The following CSMD3 variants were observed in gnomAD, a reference collection of about 807,000 sequenced individuals.
CSMD3 encodes CUB and Sushi multiple domains 3.
A neutral mutation model predicts 435.2 loss-of-function variants in CSMD3; 177 were observed. The ratio of observed to expected loss-of-function variants is 0.41; its 90% CI spans 0.36 to 0.46. The LOEUF is 0.46. Among genes scored for constraint, CSMD3 ranks in the 20% least tolerant of loss-of-function variants. The pLI is 0.34. For synonymous variants in CSMD3, 1,656 were observed against 1,520.5 expected, an observed-to-expected ratio of 1.09 and a Z score of -2.07; for missense variants, 4,265 against 4,504.6, an observed-to-expected ratio of 0.95 and a Z score of 1.52.
intron 13 of CSMD3, among the ~76,000 whole-genome samples, chr8:112,764,922 A>C (rs944921974): frequency 4.0e-5 from 6 of 151,644 alleles, no homozygotes; most frequent in South Asian, 2.1e-4. Flanking sequence ...TTATATGTAG[A>C]GAAAAGATTA....
At chr8:112,867,581 A>T (rs1404179184) in intron 10 of CSMD3, among the ~76,000 whole-genome samples, 2 of 152,128 alleles carry the variant, frequency 1.3e-5, no homozygotes, top group African/African-American at 2.4e-5. Flanking sequence ...ATTGCTTCTA[A>T]TCTATATACC....
chr8:112,649,533 G>C (rs923251492), intron 19 of CSMD3, among the ~76,000 whole-genome samples: 5 of 152,140 alleles, frequency 3.3e-5, no homozygotes, highest in African/African-American at 9.7e-5. Flanking sequence ...TGTGCTTTTT[G>C]ACAAGCAAGC....
chr8:113,161,757 G>T (rs1181086719), intron 4 of CSMD3, among the ~76,000 whole-genome samples: 2 of 152,126 alleles, frequency 1.3e-5, no homozygotes, highest in African/African-American at 4.8e-5. Flanking sequence ...TTTTGTCTGA[G>T]TTTCCAAATT....
At chr8:112,928,348 G>A (rs933206122) in intron 9 of CSMD3, among the ~76,000 whole-genome samples, 3 of 152,098 alleles carry the variant, frequency 2.0e-5, no homozygotes, top group African/African-American at 7.2e-5. Context: ...AAACCTTCAA[G>A]AGAAAGCATA....
Position 112,544,048 on chromosome 8 carries a change from G to T in CSMD3, c.4564+6623C>A, listed in dbSNP as rs199758445. On this transcript the variant is annotated intron_variant, in intron 27 of 70. Coordinates refer to ENST00000297405, the MANE Select transcript of CSMD3 (RefSeq NM_198123.2). ...ATTAATAGAATCAGAGCCTGAAATG[G>T]TTTTTTCCAGGGGCTTAGGGGAGAT... is the stretch of plus-strand genomic sequence containing the variant. Among the ~76,000 whole-genome samples, 23 of 152,146 alleles carry T rather than the reference G, an allele frequency of 1.5e-4. No individual in the cohort carries two copies. In the East Asian group the frequency reaches 4.1e-3, roughly 27 times the overall value.
At chr8:112,443,208 T>G (rs1815231960) in intron 32 of CSMD3, among the ~76,000 whole-genome samples, 1 of 152,136 alleles carries the variant, frequency 6.6e-6, no homozygotes, top group African/African-American at 2.4e-5. Context: ...TGCCAAGAAC[T>G]ATAGTGACAC....
intron 13 of CSMD3, among the ~76,000 whole-genome samples, chr8:112,751,234 G>T (rs1563925029): frequency 1.3e-5 from 2 of 151,994 alleles, no homozygotes; most frequent in Non-Finnish European, 2.9e-5. Flanking sequence ...CATAATCAGG[G>T]TGAGAACAGA....
chr8:112,997,024 A>G (rs1333998035), intron 6 of CSMD3, among the ~76,000 whole-genome samples: 1 of 151,538 alleles, frequency 6.6e-6, no homozygotes, highest in Non-Finnish European at 1.5e-5. Context: ...TTTTCAGGGT[A>G]CTGATTAGTG....
intron 2 of CSMD3, among the ~76,000 whole-genome samples, chr8:113,285,782 C>T (rs893953920): frequency 1.3e-5 from 2 of 152,136 alleles, no homozygotes; most frequent in African/African-American, 4.8e-5. Context: ...TTTGTCACAT[C>T]TTGACAATAA....
chr8:112,930,268 C>T lies in CSMD3; in HGVS notation c.1509-8517G>A, dbSNP rs374623475. 1.4e-4 allele frequency among the ~76,000 whole-genome samples: 22 copies of T among 152,200 alleles called. No individual in the cohort carries two copies. The East Asian group carries it at 2.3e-3, about 16-fold the overall frequency. On this transcript the variant is annotated intron_variant, in intron 9 of 70. Coordinates refer to ENST00000297405, the MANE Select transcript of CSMD3 (RefSeq NM_198123.2). Reference sequence around the variant, plus strand: ...CACTCCCTGTGTTCTCATCCCTATACTACTATCAGACAGCAATAAACTAAA... The same window carrying T: ...CACTCCCTGTGTTCTCATCCCTATATTACTATCAGACAGCAATAAACTAAA...
intron 3 of CSMD3, among the ~76,000 whole-genome samples, chr8:113,234,396 T>C (rs1237920766): frequency 3.3e-5 from 5 of 152,136 alleles, no homozygotes; most frequent in Non-Finnish European, 7.4e-5. Context: ...CCATGCCCTT[T>C]AGAAGCCCAG....
At chr8:112,894,199 C>G (rs764471597) in intron 10 of CSMD3, among the ~76,000 whole-genome samples, 3 of 151,412 alleles carry the variant, frequency 2.0e-5, no homozygotes, top group Admixed American at 6.6e-5. Flanking sequence ...AAATGCTTTT[C>G]AGGATTATAG....
chr8:112,666,201 G>T (rs2075520560), intron 17 of CSMD3, 76 bp downstream of exon 17: 1 of 1,138,088 alleles, frequency 8.8e-7, no homozygotes, highest in Non-Finnish European at 1.3e-6. Context: ...ACATTCATTT[G>T]GTAAATGCAA....
chr8:112,692,106 T>G (rs1474423267), intron 13 of CSMD3, among the ~76,000 whole-genome samples: 3 of 152,066 alleles, frequency 2.0e-5, no homozygotes, highest in Non-Finnish European at 4.4e-5. Context: ...CCCGGCAAAT[T>G]CTATTGTTTT....
intron 1 of CSMD3, among the ~76,000 whole-genome samples, chr8:113,347,786 A>C (rs2094162106): frequency 6.6e-6 from 1 of 152,160 alleles, no homozygotes; most frequent in African/African-American, 2.4e-5. Flanking sequence ...CTTTCATGTT[A>C]AACAAATAAC....
At chr8:112,642,268 GT>G (rs1215355262) in intron 20 of CSMD3, among the ~76,000 whole-genome samples, 1 of 151,936 alleles carries the variant, frequency 6.6e-6, no homozygotes, top group Non-Finnish European at 1.5e-5. Flanking sequence ...AAGTCTAAGG[GT>G]TTTTCCTGAT....
chr8:112,652,222 TC>T (rs1306437308), intron 18 of CSMD3, among the ~76,000 whole-genome samples: 1 of 152,192 alleles, frequency 6.6e-6, no homozygotes, highest in Non-Finnish European at 1.5e-5. Context: ...CAGATAAGTC[TC>T]CTCATTAGTT....
At chr8:112,289,258 G>C (rs147575596) in intron 57 of CSMD3, 107 bp downstream of exon 57, 2 of 967,066 alleles carry the variant, frequency 2.1e-6, no homozygotes, top group Non-Finnish European at 3.3e-6. Context: ...ATTTTTCAGA[G>C]AGAAATATAT....
intron 3 of CSMD3, among the ~76,000 whole-genome samples, chr8:113,265,307 A>C (rs1342833369): frequency 6.6e-6 from 1 of 151,570 alleles, no homozygotes; most frequent in African/African-American, 2.4e-5. Context: ...AAACAAAAAA[A>C]AATAGCCTGG....
Sources: gnomAD v4.1 joint callset for allele counts (sites outside exome capture counted in the v4.1 genomes callset) on GRCh38, gnomAD v4.1.1 for gene constraint, MANE v1.5 for transcripts, NCBI Gene and HGNC (gene_info 2026-07-23, HGNC 2026-07-21) for gene names.